The following AGBL4 variants were observed in gnomAD, a reference collection of about 807,000 sequenced individuals.
AGBL4 encodes the protein cytosolic carboxypeptidase 6.
Under a neutral mutation model 66.4 loss-of-function variants are expected in AGBL4, and 58 were observed. The observed-to-expected ratio is 0.87, with a 90% CI of 0.71 to 1.09. The LOEUF (loss-of-function observed/expected upper bound fraction) is 1.09. AGBL4 is among the 50% of genes least tolerant of loss of function. AGBL4 has a pLI of 0.00. For missense variants in AGBL4, 579 were observed against 631.0 expected (o/e 0.92, Z 0.88); for synonymous variants, 234 against 222.9 (o/e 1.05, Z -0.44).
intron 2 of AGBL4, among the ~76,000 whole-genome samples, chr1:49,719,336 C>A (rs1571399817): frequency 6.6e-6 from 1 of 152,118 alleles, no homozygotes; most frequent in Admixed American, 6.6e-5. Flanking sequence ...TCTTAGAAAA[C>A]AAAGTGTTCA....
chr1:48,909,285 C>T (rs1652881118), intron 5 of AGBL4, among the ~76,000 whole-genome samples: 1 of 152,120 alleles, frequency 6.6e-6, no homozygotes, highest in African/African-American at 2.4e-5. Flanking sequence ...AAATGTCATG[C>T]TGGTCACGGT....
intron 4 of AGBL4, among the ~76,000 whole-genome samples, chr1:49,233,978 C>T (rs1650523194): frequency 6.6e-6 from 1 of 152,176 alleles, no homozygotes; most frequent in African/African-American, 2.4e-5. Flanking sequence ...CCCATGTGGG[C>T]TGTTTCTACA....
At chr1:48,864,148 C>A (rs1042206643) in intron 6 of AGBL4, among the ~76,000 whole-genome samples, 2 of 151,980 alleles carry the variant, frequency 1.3e-5, no homozygotes, top group Non-Finnish European at 2.9e-5. Context: ...AATCAATTCA[C>A]AGAAGAAACC....
chr1:49,304,875 A>G (rs1254763476), intron 3 of AGBL4, among the ~76,000 whole-genome samples: 1 of 152,204 alleles, frequency 6.6e-6, no homozygotes, highest in African/African-American at 2.4e-5. Flanking sequence ...ATTGACAAAT[A>G]TGTATGTTAT....
intron 1 of AGBL4, among the ~76,000 whole-genome samples, chr1:50,018,335 TAAATG>T (rs1019498963): frequency 1.3e-5 from 2 of 152,130 alleles, no homozygotes; most frequent in African/African-American, 4.8e-5. Flanking sequence ...TCCCATTAAA[TAAATG>T]AGGAATATAA....
At chr1:49,123,100 G>A (rs186500090) in intron 4 of AGBL4, among the ~76,000 whole-genome samples, 113 of 152,112 alleles carry the variant, frequency 7.4e-4, no homozygotes, top group African/African-American at 2.6e-3. Flanking sequence ...TGATCTGCCC[G>A]CCTTGGCCTC....
intron 7 of AGBL4, among the ~76,000 whole-genome samples, chr1:48,660,738 T>A (rs1646093914): frequency 6.6e-6 from 1 of 152,178 alleles, no homozygotes; most frequent in Non-Finnish European, 1.5e-5. Context: ...GAACCACACT[T>A]GTCGTGAATT....
At chr1:48,718,488 C>G (rs1162124833) in intron 6 of AGBL4, among the ~76,000 whole-genome samples, 2 of 152,222 alleles carry the variant, frequency 1.3e-5, no homozygotes, top group Non-Finnish European at 2.9e-5. Context: ...ACCCCAGATT[C>G]TTTTCTCCAC....
At chr1:49,687,910 C>G (rs1646816612) in intron 3 of AGBL4, among the ~76,000 whole-genome samples, 1 of 151,966 alleles carries the variant, frequency 6.6e-6, no homozygotes, top group Admixed American at 6.6e-5. Flanking sequence ...ACAACACTTC[C>G]CTCTGAATGT....
intron 4 of AGBL4, among the ~76,000 whole-genome samples, chr1:49,220,149 C>T (rs1280000273): frequency 6.6e-6 from 1 of 152,136 alleles, no homozygotes; most frequent in Non-Finnish European, 1.5e-5. Context: ...CTGTCCAGAA[C>T]TCATTGTTCT....
chr1:49,894,673 A>G (rs922117922), intron 1 of AGBL4, among the ~76,000 whole-genome samples: 3 of 152,154 alleles, frequency 2.0e-5, no homozygotes, highest in African/African-American at 4.8e-5. Context: ...AGTAGAAGAA[A>G]GAATTAGTGA....
intron 6 of AGBL4, among the ~76,000 whole-genome samples, chr1:48,860,070 G>A (rs2148817609): frequency 6.6e-6 from 1 of 152,248 alleles, no homozygotes; most frequent in South Asian, 2.1e-4. Flanking sequence ...CTACAACTGT[G>A]TATACTTGGA....
At chr1:49,329,221 C>T (rs978386135) in intron 3 of AGBL4, among the ~76,000 whole-genome samples, 23 of 151,770 alleles carry the variant, frequency 1.5e-4, no homozygotes, top group Non-Finnish European at 2.1e-4. Context: ...GCATGAGAAT[C>T]GCTTAAACCT....
intron 2 of AGBL4, among the ~76,000 whole-genome samples, chr1:49,811,340 C>T (rs910764360): frequency 7.9e-5 from 12 of 151,994 alleles, no homozygotes; most frequent in African/African-American, 1.7e-4. Context: ...TTATTTATAG[C>T]GCTTAATTGA....
chr1:49,937,399 T>C (rs1490117546), intron 1 of AGBL4, among the ~76,000 whole-genome samples: 1 of 151,958 alleles, frequency 6.6e-6, no homozygotes, highest in Admixed American at 6.6e-5. Flanking sequence ...TGGGAGACTT[T>C]AACACCCCAC....
At position 49,638,716 on chromosome 1, in the gene AGBL4, T is replaced by C. The variant is rs1375185409; in HGVS notation, c.282+58597A>G. ...GCCATGTAAGACATGCCTTTGCTCC[T>C]CCTTTGCTGTATGCTGTGATTGTGA... On this transcript the variant is annotated intron_variant, in intron 3 of 13. Transcript: ENST00000371839. Among the ~76,000 whole-genome samples, 5 of 152,342 alleles carry C rather than the reference T, an allele frequency of 3.3e-5. No homozygotes were observed. The East Asian group carries it at 9.6e-4, about 29-fold the overall frequency.
chr1:49,594,282 G>A (rs1644809616), intron 3 of AGBL4, among the ~76,000 whole-genome samples: 1 of 152,066 alleles, frequency 6.6e-6, no homozygotes, highest in African/African-American at 2.4e-5. Flanking sequence ...AGGAAAGGGA[G>A]GAAGCTTCCT....
intron 2 of AGBL4, among the ~76,000 whole-genome samples, chr1:49,756,129 G>A (rs1308059246): frequency 6.6e-6 from 1 of 151,926 alleles, no homozygotes; most frequent in Non-Finnish European, 1.5e-5. Context: ...CAATATAATT[G>A]CCTGTTATAT....
intron 2 of AGBL4, among the ~76,000 whole-genome samples, chr1:49,794,214 AT>A (rs1452001486): frequency 6.6e-6 from 1 of 151,936 alleles, no homozygotes; most frequent in Non-Finnish European, 1.5e-5. Flanking sequence ...AAAATAAAAA[AT>A]ATTGTCATTT....
Sources: gnomAD v4.1 joint callset for allele counts (sites outside exome capture counted in the v4.1 genomes callset) on GRCh38, gnomAD v4.1.1 for gene constraint, MANE v1.5 for transcripts, NCBI Gene and HGNC (gene_info 2026-07-23, HGNC 2026-07-21) for gene names.